SMIM35: variants seen among roughly 807,000 people sequenced by gnomAD.
The protein encoded by SMIM35 is small integral membrane protein 35.
At chr11:118,083,331 C>T (rs1054002511) in intron 1 of SMIM35, among the ~76,000 whole-genome samples, 1 of 152,238 alleles carries the variant, frequency 6.6e-6, no homozygotes, top group African/African-American at 2.4e-5. Flanking sequence ...CTTCTCTGAA[C>T]TGCGTGTTCC....
At chr11:118,080,972 A>G (rs1438368520) in intron 1 of SMIM35, among the ~76,000 whole-genome samples, 3 of 152,158 alleles carry the variant, frequency 2.0e-5, no homozygotes, top group Non-Finnish European at 4.4e-5. Context: ...CATCTACCAC[A>G]TTTTCTTTTA....
chr11:118,064,130 T>A (rs1944432198), intron 1 of SMIM35, among the ~76,000 whole-genome samples: 1 of 152,216 alleles, frequency 6.6e-6, no homozygotes, highest in African/African-American at 2.4e-5. Context: ...TCAGCCAGTG[T>A]CTGCTGCAGA....
intron 1 of SMIM35, among the ~76,000 whole-genome samples, chr11:118,084,739 A>G (rs1487051154): frequency 6.6e-6 from 1 of 152,242 alleles, no homozygotes; most frequent in Non-Finnish European, 1.5e-5. Context: ...CAGGCACATC[A>G]CATGTGTCAT....
chr11:118,050,030 G>T (rs1237419346), intron 1 of SMIM35, among the ~76,000 whole-genome samples: 1 of 152,116 alleles, frequency 6.6e-6, no homozygotes, highest in East Asian at 1.9e-4. Context: ...ATATAGAGAG[G>T]GTCTTTGAAG....
At chr11:118,052,597 T>A (rs1379892541) in intron 1 of SMIM35, among the ~76,000 whole-genome samples, 1 of 152,104 alleles carries the variant, frequency 6.6e-6, no homozygotes, top group Non-Finnish European at 1.5e-5. Context: ...GGCTCCCACA[T>A]AGAATGCTTC....
At chr11:118,027,327 C>T (rs192508986) in intron 1 of SMIM35, among the ~76,000 whole-genome samples, 14,184 of 151,348 alleles carry the variant, frequency 0.094, 915 homozygotes, top group East Asian at 0.36. Flanking sequence ...GCGCCCGGCC[C>T]ACTTTTTTTT....
At chr11:118,029,758 C>T (rs779864825) in intron 1 of SMIM35, 18 of 457,284 alleles carry the variant, frequency 3.9e-5, no homozygotes, top group Admixed American at 9.4e-5. Context: ...CTGCCAAAGC[C>T]CCCTTTCCCA....
At position 118,007,351 on chromosome 11, in the gene SMIM35, C is replaced by T. The variant is rs147213907; in HGVS notation, c.*34-975G>A. On this transcript the variant is annotated intron_variant, in intron 4 of 4. Transcript: ENST00000689828. ...CAGCATCAGGGGCTCAGAGAGCTTG[C>T]GCTCACCAGCTACAAGGGGAGGAAA... is the stretch of plus-strand genomic sequence containing the variant. Among the ~76,000 whole-genome samples, 188 of 152,292 alleles carry T rather than the reference C, an allele frequency of 1.2e-3. 2 individuals carry two copies. In the East Asian group the frequency reaches 0.031, roughly 25 times the overall value.
intron 1 of SMIM35, among the ~76,000 whole-genome samples, chr11:118,073,629 ACAGGAGG>A (rs1233629608): frequency 6.6e-6 from 1 of 152,192 alleles, no homozygotes; most frequent in Non-Finnish European, 1.5e-5. Flanking sequence ...AGTTGCAGGG[ACAGGAGG>A]CAGCCCCCTC....
chr11:118,009,414 G>A (rs1368862468), intron 4 of SMIM35, among the ~76,000 whole-genome samples: 3 of 152,190 alleles, frequency 2.0e-5, no homozygotes, highest in African/African-American at 7.2e-5. Flanking sequence ...AGGCTGTGAG[G>A]ATGAAGACGC....
At chr11:118,076,622 C>A (rs939243181) in intron 1 of SMIM35, among the ~76,000 whole-genome samples, 9 of 152,022 alleles carry the variant, frequency 5.9e-5, no homozygotes, top group African/African-American at 1.7e-4. Context: ...CTTCTGGGAT[C>A]CAGGGAAAGG....
At position 118,004,239 on chromosome 11, in the gene SMIM35, A is replaced by C. The variant is rs547674492; in HGVS notation, c.*2171T>G. ...TCACATTGGGAGTGACAGCTTCAAC[A>C]TGAATTTGGGGAAGACAAAAATATT... is the stretch of plus-strand genomic sequence containing the variant. On this transcript the variant is annotated 3_prime_UTR_variant, in exon 5 of 5. Coordinates refer to ENST00000689828, the MANE Select transcript of SMIM35 (RefSeq NM_001394165.1). The C allele has an allele frequency of 6.6e-6, 1 of 152,238 alleles. No individual in the cohort carries two copies. Among genetic ancestry groups the C allele is most frequent in the Non-Finnish European group, 1.5e-5 (1 of 68,060 alleles). 9.4% of individuals were successfully genotyped at this position (152,238 alleles called of 1,614,324 possible).
At chr11:118,015,958 A>G in intron 1 of SMIM35, 149 bp from the exon 2 acceptor site, 1 of 397,608 alleles carries the variant, frequency 2.5e-6, no homozygotes, top group Non-Finnish European at 4.4e-6. Context: ...CAGCCCAGCT[A>G]TACTAAGATG....
At chr11:118,055,648 A>G (rs1340669099) in intron 1 of SMIM35, among the ~76,000 whole-genome samples, 1 of 152,124 alleles carries the variant, frequency 6.6e-6, no homozygotes, top group Non-Finnish European at 1.5e-5. Flanking sequence ...TATGCAATTC[A>G]TTCTCATCCT....
chr11:118,040,730 T>C (rs756234933), intron 1 of SMIM35, among the ~76,000 whole-genome samples: 5 of 152,156 alleles, frequency 3.3e-5, no homozygotes, highest in Non-Finnish European at 5.9e-5. Context: ...TAAAAAGCAA[T>C]CATACAAAAT....
chr11:118,035,974 G>A (rs531098995), intron 1 of SMIM35, among the ~76,000 whole-genome samples: 8 of 152,232 alleles, frequency 5.3e-5, no homozygotes, highest in South Asian at 2.1e-4. Flanking sequence ...TACAACCTTC[G>A]CCTCCTGGGT....
intron 1 of SMIM35, among the ~76,000 whole-genome samples, chr11:118,037,082 A>G (rs2058365012): frequency 1.3e-5 from 2 of 151,784 alleles, no homozygotes; most frequent in Non-Finnish European, 2.9e-5. Context: ...GGCTTAGGAA[A>G]TCCAGCTAGT....
chr11:118,029,442 A>T (rs1351566725), intron 1 of SMIM35, among the ~76,000 whole-genome samples: 1 of 152,220 alleles, frequency 6.6e-6, no homozygotes, highest in African/African-American at 2.4e-5. Context: ...TCTCAGTTTC[A>T]AACCCACTCT....
At chr11:118,010,950 C>T (rs1160523539) in intron 4 of SMIM35, among the ~76,000 whole-genome samples, 2 of 152,206 alleles carry the variant, frequency 1.3e-5, no homozygotes, top group Non-Finnish European at 2.9e-5. Context: ...GGCTGGGTTT[C>T]CAGGCATCTG....
Sources: allele counts gnomAD v4.1 joint callset (sites outside exome capture counted in the v4.1 genomes callset), GRCh38; gene constraint gnomAD v4.1.1; transcripts MANE v1.5; gene names NCBI Gene and HGNC (gene_info 2026-07-23, HGNC 2026-07-21).